Variants in OR1M1 observed in about 807,000 individuals in gnomAD.
The protein encoded by OR1M1 is olfactory receptor family 1 subfamily M member 1.
For missense variants in OR1M1, 397 were observed against 401.8 expected, an observed-to-expected ratio of 0.99 and a Z score of 0.10; for synonymous variants, 157 against 165.5, an observed-to-expected ratio of 0.95 and a Z score of 0.39.
chr19:9,090,946 C>T, intron 1 of OR1M1, among the ~76,000 whole-genome samples: 1 of 151,572 alleles, frequency 6.6e-6, no homozygotes, highest in Non-Finnish European at 1.5e-5. Flanking sequence ...GCGGGCAGAT[C>T]ACGAGGTCAG....
rs1283625344 is a variant in OR1M1 at position 9,094,607 on chromosome 19, A to C, written c.*421A>C. ...CAGGCTGGAGTGCAGTGGCATGATC[A>C]CGGCTCATTGCAGCCTTGACCTCCC... On this transcript the variant is annotated 3_prime_UTR_variant, in exon 2 of 2. Coordinates refer to ENST00000641627, the MANE Select transcript of OR1M1 (RefSeq NM_001004456.2). 2 of 155,016 alleles carry C rather than the reference A, an allele frequency of 1.3e-5. No individual in the cohort carries two copies. The highest frequency in any genetic ancestry group is 5.2e-5 in the African/African-American group (2 of 38,332). 9.6% of individuals were successfully genotyped at this position (155,016 alleles called of 1,614,324 possible).
chr19:9,091,440 C>T (rs1383891715), intron 1 of OR1M1, among the ~76,000 whole-genome samples: 3 of 151,966 alleles, frequency 2.0e-5, no homozygotes, highest in African/African-American at 2.4e-5. Flanking sequence ...CTAAGGAGCA[C>T]GTTGCTATTT....
Position 9,093,364 on chromosome 19 carries a change from G to C in OR1M1, c.120G>C (p.Val40=). 13 of 1,613,834 alleles carry C rather than the reference G, an allele frequency of 8.1e-6. No homozygotes were observed. Among genetic ancestry groups the C allele is most frequent in the Non-Finnish European group, 1.1e-5 (13 of 1,179,970 alleles). The change falls in exon 2 of 2, where the codon GTG becomes GTC. Residue 40 remains valine (V), a synonymous_variant. Coordinates refer to ENST00000641627, the MANE Select transcript of OR1M1 (RefSeq NM_001004456.2). The stretch of plus-strand genomic sequence containing the variant: ...TCTGCATGTACCTGGTCATGGTCGT[G>C]GGGAACCTGCTCATCATCCTGGCCA... ...LFFCMYLVMV[V]GNLLIILAIS...
chr19:9,089,473 G>A (rs1383948137), intron 1 of OR1M1, among the ~76,000 whole-genome samples: 1 of 149,574 alleles, frequency 6.7e-6, no homozygotes, highest in Non-Finnish European at 1.5e-5. Flanking sequence ...ACCCCGGCTG[G>A]AGTGCAATGG....
chr19:9,088,563 G>T (rs148712892), intron 1 of OR1M1, among the ~76,000 whole-genome samples: 37 of 152,270 alleles, frequency 2.4e-4, no homozygotes, highest in African/African-American at 8.7e-4. Context: ...TAATCACAGA[G>T]CATTCACTGG....
At chr19:9,093,077 T>TACAC (rs545067737) in intron 1 of OR1M1, 155 bp from the exon 2 acceptor site, 18,643 of 456,484 alleles carry the variant, frequency 0.041, 207 homozygotes, top group Admixed American at 0.055. Flanking sequence ...ATATTCTATA[T>TACAC]ATACACACAC....
chr19:9,090,428 T>C (rs2050286025), intron 1 of OR1M1, among the ~76,000 whole-genome samples: 1 of 152,232 alleles, frequency 6.6e-6, no homozygotes, highest in Non-Finnish European at 1.5e-5. Flanking sequence ...TGATCAGAAC[T>C]GTAATGCAGG....
chr19:9,093,019 TTCTCTCTCTCTC>T (rs34983826), intron 1 of OR1M1, among the ~76,000 whole-genome samples: 2 of 135,676 alleles, frequency 1.5e-5, no homozygotes, highest in African/African-American at 5.7e-5. Context: ...TTTACATATA[TTCTCTCTCTCTC>T]TCTCTCTATA....
rs2050314029 is a variant in OR1M1, at chr19:9,094,144, T to C, written c.900T>C (p.Ala300=). ...YSLRNRDLKG[A]LRKLVNRKIT... is the part of the protein sequence containing the mutation. ...TGAGGAACAGAGACCTGAAAGGGGC[T>C]CTCAGGAAGCTGGTCAACAGAAAGA... is the stretch of plus-strand genomic sequence containing the variant. The change falls in exon 2 of 2, where the codon GCT becomes GCC. Residue 300 remains alanine, a synonymous_variant. Transcript: ENST00000641627. 1 of 1,612,412 alleles carries C rather than the reference T, an allele frequency of 6.2e-7. No homozygotes were observed. Among genetic ancestry groups the C allele is most frequent in the Admixed American group, 1.7e-5 (1 of 59,962 alleles).
chr19:9,087,561 C>T (rs2050271171), intron 1 of OR1M1, among the ~76,000 whole-genome samples: 1 of 152,096 alleles, frequency 6.6e-6, no homozygotes, highest in Non-Finnish European at 1.5e-5. Context: ...GAGCAATTCT[C>T]CTACCTCAGC....
intron 1 of OR1M1, among the ~76,000 whole-genome samples, chr19:9,089,291 G>A (rs1257310149): frequency 6.6e-6 from 1 of 151,992 alleles, no homozygotes; most frequent in East Asian, 1.9e-4. Context: ...GTGAGAACAT[G>A]CAGTGTTTAA....
chr19:9,091,921 T>A (rs1464054567), intron 1 of OR1M1, among the ~76,000 whole-genome samples: 1 of 151,942 alleles, frequency 6.6e-6, no homozygotes, highest in Admixed American at 6.6e-5. Flanking sequence ...ATTATTGTTG[T>A]TGTTATTGAG....
intron 1 of OR1M1, among the ~76,000 whole-genome samples, chr19:9,090,862 T>A (rs952508810): frequency 2.6e-5 from 4 of 151,522 alleles, no homozygotes; most frequent in Non-Finnish European, 5.9e-5. Context: ...TGACTGGAAA[T>A]GACTATAAAA....
chr19:9,092,477 C>T (rs552260128), intron 1 of OR1M1, among the ~76,000 whole-genome samples: 1 of 152,124 alleles, frequency 6.6e-6, no homozygotes, highest in South Asian at 2.1e-4. Flanking sequence ...ATGGTGTGTG[C>T]CTGTAGACCC....
rs1367643306 is a variant in OR1M1, at chr19:9,093,386, G to T, written c.142G>T (p.Ala48Ser). 32 of 1,613,782 alleles carry T rather than the reference G, an allele frequency of 2.0e-5. No homozygotes were observed. Among genetic ancestry groups the T allele is most frequent in the Non-Finnish European group, 2.7e-5 (32 of 1,179,968 alleles). The change falls in exon 2 of 2, where the codon GCC (alanine) becomes TCC (serine). Residue 48 changes from alanine to serine, a missense_variant. Coordinates refer to ENST00000641627, the MANE Select transcript of OR1M1 (RefSeq NM_001004456.2). ...CGTGGGGAACCTGCTCATCATCCTG[G>T]CCATCAGCATAGACTCCCACCTCCA... is the stretch of plus-strand genomic sequence containing the variant. ...MVVGNLLIIL[A>S]ISIDSHLHTP...
intron 1 of OR1M1, among the ~76,000 whole-genome samples, chr19:9,089,420 CA>C (rs1330616930): frequency 2.6e-5 from 3 of 115,358 alleles, no homozygotes; most frequent in African/African-American, 3.6e-5. Flanking sequence ...ATTTCTACCA[CA>C]TTTTTTTTTT....
chr19:9,093,225 C>T lies in OR1M1; in HGVS notation c.-13-7C>T, dbSNP rs762915861. On this transcript the variant is annotated splice_polypyrimidine_tract_variant and splice_region_variant and intron_variant, in intron 1 of 1. Coordinates refer to ENST00000641627, the MANE Select transcript of OR1M1 (RefSeq NM_001004456.2). The stretch of plus-strand genomic sequence containing the variant: ...ATTCCTATAACCTCCCCTTTCCATA[C>T]TTCCAGAGGAATCACACCCATGGAA... The T allele has an allele frequency of 1.3e-6, 2 of 1,544,412 alleles. No individual in the cohort carries two copies. Among genetic ancestry groups the T allele is most frequent in the South Asian group, 2.4e-5 (2 of 83,956 alleles).
In OR1M1 at chr19:9,093,583, C is replaced by T. The variant is rs1299971830; in HGVS notation, c.339C>T (p.Val113=). 1.2e-6 allele frequency: 2 copies of T among 1,614,178 alleles called. No individual in the cohort carries two copies. ...ATTTCTTTGGCATCGTGGACAGCGT[C>T]ATAATCGCCATGATGGCTTATGACC... ...FFHFFGIVDS[V]IIAMMAYDRF... Residue 113 remains valine, a synonymous_variant, in exon 2 of 2, where the codon GTC becomes GTT. Coordinates refer to ENST00000641627, the MANE Select transcript of OR1M1 (RefSeq NM_001004456.2).
Position 9,093,077 on chromosome 19 carries a change from T to TAC in OR1M1, c.-13-154_-13-153insCA, listed in dbSNP as rs545067737. ...TACACACACACATATATATTCTATA[T>TAC]ATACACACACACACACACACACACA... On this transcript the variant is annotated intron_variant, in intron 1 of 1. Transcript: ENST00000641627. 1,229 of 458,262 alleles carry TAC rather than the reference T, an allele frequency of 2.7e-3. 2 individuals carry two copies. Among genetic ancestry groups the TAC allele is most frequent in the African/African-American group, 6.2e-3 (266 of 43,094 alleles). The allele number at this position is 458,262 out of a possible 1,614,324, so 28.4% of individuals were successfully genotyped here. A position where few individuals can be genotyped will look rare whatever the true frequency, so the allele number is the denominator to read the frequency against.
Sources: allele counts gnomAD v4.1 joint callset (sites outside exome capture counted in the v4.1 genomes callset), GRCh38; gene constraint gnomAD v4.1.1; transcripts MANE v1.5; gene names NCBI Gene and HGNC (gene_info 2026-07-23, HGNC 2026-07-21).